Variants in SNPH observed in about 807,000 individuals in gnomAD.
SNPH encodes the protein syntaphilin.
Under a neutral mutation model 36.8 loss-of-function variants are expected in SNPH, and 10 were observed. That is an observed-to-expected ratio of 0.27 (90% CI 0.17 to 0.46). The LOEUF (loss-of-function observed/expected upper bound fraction) is 0.46. Ranked by LOEUF, SNPH falls within the 20% of genes least tolerant of loss-of-function variation. The probability of loss-of-function intolerance (pLI) is 1.00; values close to 1 mark genes in which losing one functional copy is unlikely to be tolerated. For synonymous variants in SNPH, 281 were observed against 312.2 expected (o/e 0.90, Z 1.05); for missense variants, 622 against 744.0 (o/e 0.84, Z 1.91).
rs768551730 is a variant in SNPH at position 1,304,996 on chromosome 20, A to G, written c.559A>G (p.Lys187Glu). The G allele has an allele frequency of 1.1e-5, 18 of 1,614,054 alleles. No homozygotes were observed. The highest frequency in any genetic ancestry group is 1.5e-5 in the Non-Finnish European group (18 of 1,180,040). The change falls in exon 7 of 7, where the codon AAG becomes GAG. Residue 187 changes from lysine to glutamate, a missense_variant. Lys to Glu is a moderately conservative substitution (Grantham distance 56). Transcript: ENST00000381867. The surrounding 1 kb of genome is among the most constrained non-coding windows in gnomAD (Gnocchi z 4.3). ...LALKEARKEIKQLKQVIDTVK... is the reference protein window; with the variant it reads ...LALKEARKEIEQLKQVIDTVK... ...CCTGAAGGAGGCCCGAAAGGAGATC[A>G]AGCAGCTCAAGCAGGTCATCGACAC... is the stretch of plus-strand genomic sequence containing the variant.
At chr20:1,273,734 G>C (rs1009071214) in intron 2 of SNPH, among the ~76,000 whole-genome samples, 1 of 152,158 alleles carries the variant, frequency 6.6e-6, no homozygotes, top group African/African-American at 2.4e-5. Flanking sequence ...TGCATTATTC[G>C]TAGCCTGGAA....
chr20:1,278,769 C>T (rs537226760), intron 2 of SNPH, among the ~76,000 whole-genome samples: 9 of 152,188 alleles, frequency 5.9e-5, no homozygotes, highest in African/African-American at 1.2e-4. Flanking sequence ...CTGCAACCTC[C>T]GCCTCCCGGG....
chr20:1,309,060 G>A lies in SNPH; in HGVS notation c.*3006G>A, dbSNP rs1286018988. The A allele has an allele frequency of 6.6e-6, 1 of 152,280 alleles. No homozygotes were observed. The highest frequency in any genetic ancestry group is 1.5e-5 in the Non-Finnish European group (1 of 68,050). 9.4% of individuals were successfully genotyped at this position (152,280 alleles called of 1,614,324 possible). A position where few individuals can be genotyped will look rare whatever the true frequency, so the allele number is the denominator to read the frequency against. ...GGGTATCTTACAGCACTTTGGGGAG[G>A]GGTGGGACAAACTGCAAGGTTCTGG... is the stretch of plus-strand genomic sequence containing the variant. On this transcript the variant is annotated 3_prime_UTR_variant, in exon 7 of 7. Transcript: ENST00000381867.
rs913634713 is a variant in SNPH, at chr20:1,285,019, G to A, written c.-492-9932G>A. ...CCAGGGATGGAGCAGTGAAGATGCC[G>A]AAAGGTGTCAGATTCTGTGACTGTG... On this transcript the variant is annotated intron_variant, in intron 2 of 6. Coordinates refer to ENST00000381867, the MANE Select transcript of SNPH (RefSeq NM_001318234.2). The surrounding 1 kb of genome is among the most constrained non-coding windows in gnomAD (Gnocchi z 4.9). 2.6e-5 allele frequency among the ~76,000 whole-genome samples: 4 copies of A among 152,138 alleles called. No homozygotes were observed. Among genetic ancestry groups the A allele is most frequent in the African/African-American group, 7.2e-5 (3 of 41,412 alleles).
chr20:1,296,125 A>T lies in SNPH; in HGVS notation c.-115A>T. ...AGCCACTCCTGACAGTTGTGGTTTT[A>T]AGTTGGGTGGTGGGAACCTGTGCAC... On this transcript the variant is annotated 5_prime_UTR_variant, in exon 4 of 7. Coordinates refer to ENST00000381867, the MANE Select transcript of SNPH (RefSeq NM_001318234.2). The T allele has an allele frequency of 1.2e-6, 1 of 860,246 alleles. No homozygotes were observed. 53.3% of individuals were successfully genotyped at this position (860,246 alleles called of 1,614,324 possible). A position where few individuals can be genotyped will look rare whatever the true frequency, so the allele number is the denominator to read the frequency against.
At chr20:1,267,462 G>T (rs1391683904) in intron 2 of SNPH, among the ~76,000 whole-genome samples, 3 of 152,186 alleles carry the variant, frequency 2.0e-5, no homozygotes, top group African/African-American at 7.2e-5. Context: ...GGGATGGGCT[G>T]GAGGAGCTTC....
chr20:1,300,733 G>T, intron 6 of SNPH, 22 bp downstream of exon 6: 1 of 1,597,796 alleles, frequency 6.3e-7, no homozygotes, highest in Non-Finnish European at 8.5e-7. Flanking sequence ...GCCACGAGCA[G>T]CCCTGGGGGT....
intron 2 of SNPH, among the ~76,000 whole-genome samples, chr20:1,271,523 GT>G (rs984363477): frequency 6.6e-6 from 1 of 152,118 alleles, no homozygotes; most frequent in Non-Finnish European, 1.5e-5. Context: ...TGTATTTTTA[GT>G]AGAGAGGGGG....
intron 2 of SNPH, among the ~76,000 whole-genome samples, chr20:1,288,906 G>A (rs2088316905): frequency 1.3e-5 from 2 of 152,150 alleles, no homozygotes; most frequent in South Asian, 4.1e-4. Context: ...ACAGGTGTGA[G>A]CCACCGTGTC....
At position 1,306,549 on chromosome 20, in the gene SNPH, C is replaced by T. The variant is rs1245770333; in HGVS notation, c.*495C>T. ...CTCCTCAAATGGAGGCAGCCATGGC[C>T]TGAAGTGCAGATCACTGACCCAGGG... On this transcript the variant is annotated 3_prime_UTR_variant, in exon 7 of 7. Coordinates refer to ENST00000381867, the MANE Select transcript of SNPH (RefSeq NM_001318234.2). The T allele has an allele frequency of 6.5e-6, 1 of 153,002 alleles. No individual in the cohort carries two copies. The highest frequency in any genetic ancestry group is 1.9e-4 in the East Asian group (1 of 5,228). 9.5% of individuals were successfully genotyped at this position (153,002 alleles called of 1,614,324 possible).
At chr20:1,287,372 T>C (rs1012472340) in intron 2 of SNPH, among the ~76,000 whole-genome samples, 3 of 152,216 alleles carry the variant, frequency 2.0e-5, no homozygotes, top group Non-Finnish European at 4.4e-5. Flanking sequence ...CCTTCCAAGA[T>C]TTCTTTACTT....
intron 5 of SNPH, among the ~76,000 whole-genome samples, chr20:1,298,485 C>G (rs1397853759): frequency 6.6e-6 from 1 of 152,238 alleles, no homozygotes; most frequent in East Asian, 1.9e-4. Context: ...CCCCAGCATC[C>G]TGGCTGTAAC....
chr20:1,297,146 C>A lies in SNPH; in HGVS notation c.184C>A (p.Arg62Ser). ...CCTGCCTCTTCTTCCTGCCTCCAGG[C>A]GCACCTCTCCACCTGTGAGCGTGCG... ...SRRTSAGSRR[R>S]TSPPVSVRDA... The change falls in exon 5 of 7, where the codon CGC becomes AGC. Residue 62 changes from arginine to serine, a missense_variant and splice_region_variant. Arg to Ser is a moderately radical substitution (Grantham distance 110). Around this residue, in one of 3 missense-constraint regions of SNPH, gnomAD observed 187 missense variants for 209.4 expected, o/e 0.89. Transcript: ENST00000381867. 1 of 1,611,434 alleles carries A rather than the reference C, an allele frequency of 6.2e-7. No individual in the cohort carries two copies. The highest frequency in any genetic ancestry group is 8.5e-7 in the Non-Finnish European group (1 of 1,178,634).
intron 5 of SNPH, 79 bp from the exon 6 acceptor site, chr20:1,300,483 C>T (rs144944552): frequency 2.6e-6 from 4 of 1,511,052 alleles, no homozygotes; most frequent in Non-Finnish European, 3.7e-6. Context: ...GGCTGGTGTC[C>T]CCTTGCTCCC....
Position 1,296,474 on chromosome 20 carries a change from C to T in SNPH, c.182+53C>T, listed in dbSNP as rs371889569. ...GGCTTCGGAGGGCGGGAGGAGGGCGCACGGGCCTCTCTCTACCTGCCACCA... is the reference window on the plus strand; with the variant it reads ...GGCTTCGGAGGGCGGGAGGAGGGCGTACGGGCCTCTCTCTACCTGCCACCA... On this transcript the variant is annotated intron_variant, in intron 4 of 6. Transcript: ENST00000381867. 1.6e-5 allele frequency: 24 copies of T among 1,488,522 alleles called. No homozygotes were observed. The African/African-American group carries it at 3.3e-4, about 21-fold the overall frequency. 92.2% of individuals were successfully genotyped at this position (1,488,522 alleles called of 1,614,324 possible).
intron 2 of SNPH, among the ~76,000 whole-genome samples, chr20:1,269,485 T>C (rs73890814): frequency 0.021 from 3,263 of 152,288 alleles, 118 homozygotes; most frequent in African/African-American, 0.073. Flanking sequence ...CAGGTCTGTC[T>C]GCATCGTCCC....
rs2122396450 is a variant in SNPH, at chr20:1,296,364, A to G, written c.125A>G (p.His42Arg). The change falls in exon 4 of 7, where the codon CAC (histidine) becomes CGC (arginine). Residue 42 changes from histidine (H) to arginine (R), a missense_variant. Coordinates refer to ENST00000381867, the MANE Select transcript of SNPH (RefSeq NM_001318234.2). ...CCCATCCCACCCCTTACTCGGACCC[A>G]CAGCCTCATGGCCATGTCCCTGCCA... ...IPPIPPLTRT[H>R]SLMAMSLPGS... is the part of the protein sequence containing the mutation. The G allele has an allele frequency of 6.2e-7, 1 of 1,600,552 alleles. No homozygotes were observed. The highest frequency in any genetic ancestry group is 1.4e-5 in the African/African-American group (1 of 73,792).
intron 2 of SNPH, among the ~76,000 whole-genome samples, chr20:1,279,721 G>A (rs1378985266): frequency 1.3e-5 from 2 of 149,548 alleles, no homozygotes; most frequent in African/African-American, 4.9e-5. Flanking sequence ...TCCACCTCCT[G>A]GGCTCAGGTC....
rs1178137817 is a variant in SNPH at position 1,276,043 on chromosome 20, A to T, written c.-493+9283A>T. On this transcript the variant is annotated intron_variant, in intron 2 of 6. Coordinates refer to ENST00000381867, the MANE Select transcript of SNPH (RefSeq NM_001318234.2). The surrounding 1 kb of genome is among the most constrained non-coding windows in gnomAD (Gnocchi z 4.6). ...CTTCACAGAGCCCAGGCTCTTAGTC[A>T]CCAGCCTAAGCTCTGTGCTCTCAGA... Among the ~76,000 whole-genome samples, 1 of 152,120 alleles carries T rather than the reference A, an allele frequency of 6.6e-6. No homozygotes were observed. Among genetic ancestry groups the T allele is most frequent in the Non-Finnish European group, 1.5e-5 (1 of 68,020 alleles).
Sources: gnomAD v4.1 joint callset for allele counts (sites outside exome capture counted in the v4.1 genomes callset) on GRCh38, gnomAD v4.1.1 for gene constraint, gnomAD v4.1.1 regional missense constraint, Gnocchi (gnomAD v3.1) non-coding constraint, MANE v1.5 for transcripts, NCBI Gene and HGNC (gene_info 2026-07-23, HGNC 2026-07-21) for gene names.